The following DOCK8 variants were observed in gnomAD, a reference collection of about 807,000 sequenced individuals.
DOCK8 encodes dedicator of cytokinesis 8, also known as dedicator of cytokinesis protein 8.
In DOCK8, 141 loss-of-function variants were observed where a neutral mutation model predicts 245.6. That is an observed-to-expected ratio of 0.57 (90% CI 0.50 to 0.66). DOCK8 has a LOEUF of 0.66. Among genes scored for constraint, DOCK8 ranks in the 30% least tolerant of loss-of-function variants. DOCK8 has a pLI of 0.00. For missense variants in DOCK8, 2,965 were observed against 2,603.4 expected, an observed-to-expected ratio of 1.14 and a Z score of -3.02; for synonymous variants, 1,168 against 970.2, an observed-to-expected ratio of 1.20 and a Z score of -3.79.
chr9:403,365 G>T (rs2055203422), intron 26 of DOCK8, among the ~76,000 whole-genome samples: 1 of 152,184 alleles, frequency 6.6e-6, no homozygotes, highest in Admixed American at 6.5e-5. Context: ...CCTTCAATGT[G>T]CTGGTGGCTC....
chr9:378,893 C>T (rs1028064076), intron 20 of DOCK8, among the ~76,000 whole-genome samples: 5 of 152,196 alleles, frequency 3.3e-5, no homozygotes, highest in African/African-American at 1.2e-4. Flanking sequence ...CACAGACAGA[C>T]AGTTTACCAC....
intron 18 of DOCK8, among the ~76,000 whole-genome samples, chr9:373,542 G>A (rs1467878780): frequency 6.6e-6 from 1 of 152,164 alleles, no homozygotes; most frequent in African/African-American, 2.4e-5. Context: ...CTCTGGAGAC[G>A]CTTTTAATCT....
At chr9:425,401 G>T (rs12004360) in intron 33 of DOCK8, among the ~76,000 whole-genome samples, 9 of 151,646 alleles carry the variant, frequency 5.9e-5, no homozygotes, top group African/African-American at 1.7e-4. Flanking sequence ...GCGCGGTGGC[G>T]GGCGCCTGTA....
At position 447,292 on chromosome 9, in the gene DOCK8, C is replaced by CAT. The variant is rs1284724977; in HGVS notation, c.5817+694_5817+695dup. 5.3e-5 allele frequency among the ~76,000 whole-genome samples: 8 copies of CAT among 152,306 alleles called. No homozygotes were observed. The South Asian group carries it at 6.2e-4, about 12-fold the overall frequency. On this transcript the variant is annotated intron_variant, in intron 44 of 47. Coordinates refer to ENST00000432829, the MANE Select transcript of DOCK8 (RefSeq NM_203447.4). The stretch of plus-strand genomic sequence containing the variant: ...AAACAACTTATTATTCTTTAAAACA[C>CAT]ATATATATACACTTATTTGTCGTCC...
rs13288618 is a variant in DOCK8 at position 304,957 on chromosome 9, C to T, written c.528+253C>T. Among the ~76,000 whole-genome samples, 21,826 of 152,114 alleles carry T rather than the reference C, an allele frequency of 0.14. 2,030 individuals carry two copies. Among genetic ancestry groups the T allele is most frequent in the Non-Finnish European group, 0.21 (14,358 of 67,974 alleles). On this transcript the variant is annotated intron_variant, in intron 5 of 47. Coordinates refer to ENST00000432829, the MANE Select transcript of DOCK8 (RefSeq NM_203447.4). Reference sequence around the variant, plus strand: ...AAGCTCTAACTGGGGGACAGAGACACCTTGGGCCCATCCCTACGACAGTTC... The same window carrying T: ...AAGCTCTAACTGGGGGACAGAGACATCTTGGGCCCATCCCTACGACAGTTC...
chr9:452,058 T>A lies in DOCK8; in HGVS notation c.6009T>A (p.Asp2003Glu). 1 of 1,604,496 alleles carries A rather than the reference T, an allele frequency of 6.2e-7. No individual in the cohort carries two copies. Among genetic ancestry groups the A allele is most frequent in the Non-Finnish European group, 8.5e-7 (1 of 1,175,634 alleles). ...TGTTTTTGGCTGAAATTCCTGCTGA[T>A]CCAAAACTCTATCGACATCACAACA... The part of the protein sequence containing the change: ...AQVFLAEIPA[D>E]PKLYRHHNKL... Residue 2003 changes from aspartate to glutamate, a missense_variant, in exon 46 of 48, where the codon GAT (aspartate) becomes GAA (glutamate). Asp to Glu is a conservative substitution (Grantham distance 45). Coordinates refer to ENST00000432829, the MANE Select transcript of DOCK8 (RefSeq NM_203447.4).
intron 8 of DOCK8, among the ~76,000 whole-genome samples, chr9:326,732 T>C (rs2050781028): frequency 6.6e-6 from 1 of 152,178 alleles, no homozygotes; most frequent in South Asian, 2.1e-4. Flanking sequence ...GTATGTTCTC[T>C]CCCCAAATTA....
rs1554691498 is a variant in DOCK8, at chr9:400,013, T to TCTTCACCAC, written c.3234+755_3234+756insTTCACCACC. Among the ~76,000 whole-genome samples, 48 of 45,720 alleles carry TCTTCACCAC rather than the reference T, an allele frequency of 1.0e-3. 2 individuals carry two copies. The highest frequency in any genetic ancestry group is 1.3e-3 in the Non-Finnish European group (33 of 24,784). The allele number at this position is 45,720 out of a possible 152,430, so 30.0% of individuals were successfully genotyped here. A position where few individuals can be genotyped will look rare whatever the true frequency, so the allele number is the denominator to read the frequency against. Reference sequence around the variant, plus strand: ...CCCACCACCTCCACCACCTCCACCATCACCACCACCTCCACCATCACCACC... The same window carrying TCTTCACCAC: ...CCCACCACCTCCACCACCTCCACCATCTTCACCACCACCACCACCTCCACCATCACCACC... On this transcript the variant is annotated intron_variant, in intron 26 of 47. Coordinates refer to ENST00000432829, the MANE Select transcript of DOCK8 (RefSeq NM_203447.4).
chr9:369,905 G>A (rs546211778), intron 15 of DOCK8: 26 of 347,860 alleles, frequency 7.5e-5, no homozygotes, highest in South Asian at 3.2e-4. Flanking sequence ...AGGCTCAAGC[G>A]ATCCTCTTGC....
intron 32 of DOCK8, among the ~76,000 whole-genome samples, chr9:421,433 G>C (rs2056275827): frequency 6.6e-6 from 1 of 152,214 alleles, no homozygotes; most frequent in Admixed American, 6.5e-5. Flanking sequence ...TCTATCCGGA[G>C]CATGGTCAAG....
chr9:331,295 A>G (rs2050999990), intron 9 of DOCK8, among the ~76,000 whole-genome samples: 1 of 151,790 alleles, frequency 6.6e-6, no homozygotes, highest in East Asian at 1.9e-4. Flanking sequence ...AGTGTGGTGC[A>G]TCTCTCAGTG....
At chr9:442,035 G>T in intron 42 of DOCK8, 26 bp downstream of exon 42, 1 of 1,613,100 alleles carries the variant, frequency 6.2e-7, no homozygotes, top group South Asian at 1.1e-5. Context: ...CTGTGCGCCT[G>T]ACCTGGTACA....
intron 2 of DOCK8, among the ~76,000 whole-genome samples, chr9:283,209 T>C (rs1045057123): frequency 6.6e-6 from 1 of 152,156 alleles, no homozygotes; most frequent in African/African-American, 2.4e-5. Context: ...AATTATTAAA[T>C]CTCTAGCCTC....
In DOCK8 at chr9:328,183, C is replaced by A; in HGVS notation, c.1044+12C>A. ...ACCTGGTAGTCAAGGTAATTCAGTA[C>A]GATCTGATTTGCCCAATCTGATGTT... On this transcript the variant is annotated intron_variant, in intron 9 of 47. Transcript: ENST00000432829. 1 of 1,610,922 alleles carries A rather than the reference C, an allele frequency of 6.2e-7. No individual in the cohort carries two copies. The highest frequency in any genetic ancestry group is 8.5e-7 in the Non-Finnish European group (1 of 1,178,268).
chr9:359,364 C>T (rs2052611128), intron 14 of DOCK8, among the ~76,000 whole-genome samples: 1 of 152,240 alleles, frequency 6.6e-6, no homozygotes, highest in South Asian at 2.1e-4. Flanking sequence ...GCATTCTCTT[C>T]ACACCTCAGT....
At position 446,300 on chromosome 9, in the gene DOCK8, C is replaced by T. The variant is rs367898496; in HGVS notation, c.5581-70C>T. 1.3e-5 allele frequency: 17 copies of T among 1,296,232 alleles called. No homozygotes were observed. In the East Asian group the frequency reaches 2.5e-4, roughly 19 times the overall value. 80.3% of individuals were successfully genotyped at this position (1,296,232 alleles called of 1,614,324 possible). A position where few individuals can be genotyped will look rare whatever the true frequency, so the allele number is the denominator to read the frequency against. On this transcript the variant is annotated intron_variant, in intron 43 of 47. Coordinates refer to ENST00000432829, the MANE Select transcript of DOCK8 (RefSeq NM_203447.4). ...CCGGCACGCCGTGTTCCTGCATGCC[C>T]CTCCATTGCGTCAGGGATGGCCGTT...
At position 298,054 on chromosome 9, in the gene DOCK8, A is replaced by G. The variant is rs538683225; in HGVS notation, c.405-6527A>G. Among the ~76,000 whole-genome samples the G allele has an allele frequency of 4.3e-4, 66 of 152,366 alleles. No homozygotes were observed. The South Asian group carries it at 7.4e-3, about 17-fold the overall frequency. ...GAAGACAGAAAAGAAAGCAAGCATC[A>G]TTTGTGTACAATAGCCAAAGAACAA... On this transcript the variant is annotated intron_variant, in intron 4 of 47. Coordinates refer to ENST00000432829, the MANE Select transcript of DOCK8 (RefSeq NM_203447.4).
Position 386,369 on chromosome 9 carries a change from C to T in DOCK8, c.2817C>T (p.Cys939=), listed in dbSNP as rs1452099781. 1 of 1,613,994 alleles carries T rather than the reference C, an allele frequency of 6.2e-7. No homozygotes were observed. Among genetic ancestry groups the T allele is most frequent in the East Asian group, 2.2e-5 (1 of 44,880 alleles). The change falls in exon 23 of 48, where the codon TGC becomes TGT. Residue 939 remains cysteine (C), a synonymous_variant. Transcript: ENST00000432829. ...ACTGCAGCCGAATGTCTTACTATTG[C>T]TCTGGCAGTAGTGATGCTCCAAGTT... The part of the protein sequence containing the change: ...DRNCSRMSYY[C]SGSSDAPSSP...
At chr9:365,235 A>G (rs954101607) in intron 14 of DOCK8, among the ~76,000 whole-genome samples, 2 of 152,226 alleles carry the variant, frequency 1.3e-5, no homozygotes, top group African/African-American at 4.8e-5. Context: ...AGAAGTCAAG[A>G]TCTATTGAGA....
Sources: allele counts gnomAD v4.1 joint callset (sites outside exome capture counted in the v4.1 genomes callset), GRCh38; gene constraint gnomAD v4.1.1; transcripts MANE v1.5; gene names NCBI Gene and HGNC (gene_info 2026-07-23, HGNC 2026-07-21).